Variants in SHCBP1 observed in about 807,000 individuals in gnomAD.
SHCBP1 encodes the protein SHC SH2 domain-binding protein 1.
Under a neutral mutation model 75.1 loss-of-function variants are expected in SHCBP1, and 60 were observed. The ratio of observed to expected loss-of-function variants is 0.80; its 90% CI spans 0.65 to 0.99. The LOEUF is 0.99. SHCBP1 is among the 50% of genes least tolerant of loss of function. The pLI is 0.00. For missense variants in SHCBP1, 709 were observed against 809.4 expected (o/e 0.88, Z 1.50); for synonymous variants, 290 against 293.2 (o/e 0.99, Z 0.11).
At chr16:46,592,810 T>C (rs1185622803) in intron 10 of SHCBP1, among the ~76,000 whole-genome samples, 1 of 151,812 alleles carries the variant, frequency 6.6e-6, no homozygotes, top group African/African-American at 2.4e-5. Context: ...TCAACCAATG[T>C]AACCCACCAT....
At chr16:46,621,112 C>G (rs528084501) in intron 1 of SHCBP1, 145 bp downstream of exon 1, 1 of 665,448 alleles carries the variant, frequency 1.5e-6, no homozygotes, top group Non-Finnish European at 2.4e-6. Context: ...GAGGTCCCGT[C>G]ACTGGGTCCC....
chr16:46,612,573 G>A (rs1360848874), intron 4 of SHCBP1, among the ~76,000 whole-genome samples: 1 of 152,074 alleles, frequency 6.6e-6, no homozygotes, highest in Non-Finnish European at 1.5e-5. Flanking sequence ...CCTGAACGTG[G>A]TACTATAAAT....
chr16:46,591,858 A>G (rs1965052646), intron 10 of SHCBP1, among the ~76,000 whole-genome samples: 2 of 152,144 alleles, frequency 1.3e-5, no homozygotes, highest in African/African-American at 4.8e-5. Context: ...GATAATAGTA[A>G]AACTCCAAAT....
At chr16:46,586,367 G>A (rs942682052) in intron 10 of SHCBP1, among the ~76,000 whole-genome samples, 11 of 152,298 alleles carry the variant, frequency 7.2e-5, no homozygotes, top group South Asian at 2.1e-4. Flanking sequence ...GAAAACAACA[G>A]AGGAAAGAAT....
chr16:46,615,603 G>A (rs970304897), intron 4 of SHCBP1, among the ~76,000 whole-genome samples: 2 of 152,068 alleles, frequency 1.3e-5, no homozygotes, highest in African/African-American at 2.4e-5. Flanking sequence ...AGCAGGACAT[G>A]GTGGTGCACA....
At position 46,599,811 on chromosome 16, in the gene SHCBP1, C is replaced by A; in HGVS notation, c.1345+20G>T. ...TTCAAATCTTAGAACAAATGATATA[C>A]CAAACATTCAGATACTTACTTAAGA... On this transcript the variant is annotated intron_variant, in intron 9 of 12. Coordinates refer to ENST00000303383, the MANE Select transcript of SHCBP1 (RefSeq NM_024745.5). 1 of 1,577,084 alleles carries A rather than the reference C, an allele frequency of 6.3e-7. No individual in the cohort carries two copies. Among genetic ancestry groups the A allele is most frequent in the Non-Finnish European group, 8.6e-7 (1 of 1,165,442 alleles).
At chr16:46,596,254 C>G (rs1361623266) in intron 9 of SHCBP1, among the ~76,000 whole-genome samples, 1 of 152,028 alleles carries the variant, frequency 6.6e-6, no homozygotes, top group East Asian at 2.0e-4. Flanking sequence ...ACCTGTAATC[C>G]TAGCACTTTG....
In SHCBP1 at chr16:46,604,277, T is replaced by C. The variant is rs1341969352; in HGVS notation, c.874A>G (p.Met292Val). Residue 292 changes from methionine (M) to valine (V), a missense_variant, in exon 6 of 13, where the codon ATG (methionine) becomes GTG (valine). Coordinates refer to ENST00000303383, the MANE Select transcript of SHCBP1 (RefSeq NM_024745.5). ...TTCAGCTTTTGTTTCAACTGTTCCA[T>C]CTCCGAATACAATTTTAACCCTTCC... is the stretch of plus-strand genomic sequence containing the variant. ...MVEGLKLYSE[M>V]EQLKQKLKLI... 1.2e-6 allele frequency: 2 copies of C among 1,614,204 alleles called. No homozygotes were observed. Among genetic ancestry groups the C allele is most frequent in the South Asian group, 1.1e-5 (1 of 91,088 alleles).
chr16:46,616,681 T>TA lies in SHCBP1; in HGVS notation c.388-528dup, dbSNP rs1352732767. ...AGGAGCTTGGATTTTAAGTGTTTTCTATACAATGAGAAGCCATAAAGCCAA... is the reference window on the plus strand; with the variant it reads ...AGGAGCTTGGATTTTAAGTGTTTTCTAATACAATGAGAAGCCATAAAGCCAA... On this transcript the variant is annotated intron_variant, in intron 3 of 12. Coordinates refer to ENST00000303383, the MANE Select transcript of SHCBP1 (RefSeq NM_024745.5). This position sits in a 1 kb window ranked among gnomAD's most constrained non-coding sequence, Gnocchi z 4.4. Among the ~76,000 whole-genome samples, 2 of 152,178 alleles carry TA rather than the reference T, an allele frequency of 1.3e-5. No homozygotes were observed. The highest frequency in any genetic ancestry group is 2.9e-5 in the Non-Finnish European group (2 of 68,034).
intron 9 of SHCBP1, among the ~76,000 whole-genome samples, chr16:46,598,530 GA>G (rs1339473928): frequency 2.0e-5 from 3 of 151,956 alleles, no homozygotes; most frequent in African/African-American, 7.3e-5. Flanking sequence ...ATTATAAACA[GA>G]TGTGCTACCA....
intron 4 of SHCBP1, among the ~76,000 whole-genome samples, chr16:46,610,073 C>G (rs1965384642): frequency 6.6e-6 from 1 of 151,878 alleles, no homozygotes; most frequent in African/African-American, 2.4e-5. Context: ...GCCTCAGCCT[C>G]CCTAGTAGCT....
chr16:46,617,550 TA>T, intron 3 of SHCBP1, 83 bp downstream of exon 3: 1 of 1,031,626 alleles, frequency 9.7e-7, no homozygotes, highest in Non-Finnish European at 1.4e-6. Flanking sequence ...AAACTTTAAT[TA>T]AAAATAAGCA....
chr16:46,616,208 C>A lies in SHCBP1; in HGVS notation c.388-54G>T. ...CATGGAAATCAAAATGAAGATACAC[C>A]TATAAGACACTACTGACAACCTGAT... On this transcript the variant is annotated intron_variant, in intron 3 of 12. Transcript: ENST00000303383. This position sits in a 1 kb window ranked among gnomAD's most constrained non-coding sequence, Gnocchi z 4.4. 1.3e-6 allele frequency: 2 copies of A among 1,539,518 alleles called. No individual in the cohort carries two copies. The highest frequency in any genetic ancestry group is 2.3e-5 in the South Asian group (2 of 86,704).
At chr16:46,593,716 G>C (rs574313665) in intron 10 of SHCBP1, among the ~76,000 whole-genome samples, 4 of 86,510 alleles carry the variant, frequency 4.6e-5, no homozygotes, top group Admixed American at 4.2e-4. Context: ...TCCAGCCTGA[G>C]TGACAGAACA....
chr16:46,580,268 A>G lies in SHCBP1; in HGVS notation c.*1461T>C, dbSNP rs1025587793. 6.6e-6 allele frequency among the ~76,000 whole-genome samples: 1 copy of G among 152,178 alleles called. No homozygotes were observed. The highest frequency in any genetic ancestry group is 1.5e-5 in the Non-Finnish European group (1 of 68,026). ...TGAAACTGATGCAGAAATGAACATT[A>G]CTTTTTAAACCTCCTTGCAACAAGA... On this transcript the variant is annotated 3_prime_UTR_variant, in exon 13 of 13. Transcript: ENST00000303383.
chr16:46,605,974 G>A (rs78580650), intron 5 of SHCBP1, among the ~76,000 whole-genome samples: 4 of 134,934 alleles, frequency 3.0e-5, no homozygotes, highest in African/African-American at 5.4e-5. Flanking sequence ...GAAAAAAAAA[G>A]GGAAAAACAA....
At chr16:46,585,778 A>G (rs1596669310) in intron 10 of SHCBP1, among the ~76,000 whole-genome samples, 1 of 152,172 alleles carries the variant, frequency 6.6e-6, no homozygotes, top group African/African-American at 2.4e-5. Context: ...TGGAGATTCC[A>G]GACTTTCACC....
At chr16:46,588,656 G>A (rs1384002409) in intron 10 of SHCBP1, among the ~76,000 whole-genome samples, 1 of 152,148 alleles carries the variant, frequency 6.6e-6, no homozygotes, top group African/African-American at 2.4e-5. Flanking sequence ...CCAGTAACAG[G>A]TTCGGAAATT....
intron 4 of SHCBP1, among the ~76,000 whole-genome samples, chr16:46,611,788 G>A (rs1965420093): frequency 6.6e-6 from 1 of 152,154 alleles, no homozygotes; most frequent in Non-Finnish European, 1.5e-5. Flanking sequence ...CTTTTTGTGA[G>A]GTTCAGATTG....
Sources: allele counts gnomAD v4.1 joint callset (sites outside exome capture counted in the v4.1 genomes callset), GRCh38; gene constraint gnomAD v4.1.1; non-coding constraint Gnocchi (gnomAD v3.1); transcripts MANE v1.5; gene names NCBI Gene and HGNC (gene_info 2026-07-23, HGNC 2026-07-21).